Variants in PEAK1 observed in about 807,000 individuals in gnomAD.
The protein encoded by PEAK1 is pseudopodium enriched atypical kinase 1, also known as inactive tyrosine-protein kinase PEAK1.
In PEAK1, 54 loss-of-function variants were observed where a neutral mutation model predicts 124.7. The observed-to-expected ratio is 0.43, with a 90% CI of 0.35 to 0.54. PEAK1 has a LOEUF of 0.54. Ranked by LOEUF, PEAK1 falls within the 20% of genes least tolerant of loss-of-function variation. The pLI is 0.01. For synonymous variants in PEAK1, 719 were observed against 760.0 expected (o/e 0.95, Z 0.89); for missense variants, 2,046 against 2,134.5 (o/e 0.96, Z 0.82).
chr15:77,170,949 T>C (rs1035569151), intron 7 of PEAK1, among the ~76,000 whole-genome samples: 3 of 152,138 alleles, frequency 2.0e-5, no homozygotes, highest in African/African-American at 7.2e-5. Context: ...TCCTAACTGG[T>C]CACAGACCAG....
intron 2 of PEAK1, chr15:77,333,522 T>C: frequency 1.2e-6 from 1 of 851,644 alleles, no homozygotes; most frequent in Non-Finnish European, 1.4e-6. Flanking sequence ...ATTTCTCCAC[T>C]ACTTGATTAT....
chr15:77,278,759 T>C, intron 5 of PEAK1: 4 of 473,202 alleles, frequency 8.5e-6, no homozygotes, highest in South Asian at 1.6e-5. Flanking sequence ...TTTTGATAAC[T>C]GTGTACTTCT....
At chr15:77,204,437 C>G (rs2058527120) in intron 6 of PEAK1, 1 of 152,472 alleles carries the variant, frequency 6.6e-6, no homozygotes, top group Non-Finnish European at 1.5e-5. Flanking sequence ...CCAAACAAAA[C>G]CTGCATGTAA....
At position 77,181,172 on chromosome 15, in the gene PEAK1, C is replaced by G; in HGVS notation, c.755G>C (p.Trp252Ser). ...CAACAGCTCTTCATCACTCTCATCC[C>G]AACTCTCGTGCTCCTCCTCCATGTT... ...FSNMEEEHES[W>S]DESDEELLAM... Residue 252 changes from tryptophan to serine, a missense_variant, in exon 7 of 10, where the codon TGG (tryptophan) becomes TCG (serine). Coordinates refer to ENST00000682557, the MANE Select transcript of PEAK1 (RefSeq NM_001385026.1). 5 of 1,614,172 alleles carry G rather than the reference C, an allele frequency of 3.1e-6. No homozygotes were observed. The highest frequency in any genetic ancestry group is 4.2e-6 in the Non-Finnish European group (5 of 1,180,024).
rs985199362 is a variant in PEAK1, at chr15:77,418,612, G to C, written c.-666+1394C>G. 5 of 984,982 alleles carry C rather than the reference G, an allele frequency of 5.1e-6. No individual in the cohort carries two copies. In the African/African-American group the frequency reaches 8.7e-5, roughly 17 times the overall value. 61.0% of individuals were successfully genotyped at this position (984,982 alleles called of 1,614,324 possible). A position where few individuals can be genotyped will look rare whatever the true frequency, so the allele number is the denominator to read the frequency against. On this transcript the variant is annotated intron_variant, in intron 1 of 9. Coordinates refer to ENST00000682557, the MANE Select transcript of PEAK1 (RefSeq NM_001385026.1). ...TTACTAAATAAGTCACCAAAGAGAA[G>C]TCCCAGGCAAGTCAGAAAGTAATTA...
chr15:77,330,188 A>G (rs1243701465), intron 2 of PEAK1, among the ~76,000 whole-genome samples: 1 of 152,164 alleles, frequency 6.6e-6, no homozygotes, highest in Non-Finnish European at 1.5e-5. Flanking sequence ...TACCAAATAG[A>G]GATTAACTAT....
intron 2 of PEAK1, chr15:77,334,435 TA>T: frequency 3.0e-6 from 3 of 985,316 alleles, no homozygotes; most frequent in Non-Finnish European, 3.6e-6. Flanking sequence ...CTTCTACTTG[TA>T]CCTGCTTATC....
intron 6 of PEAK1, among the ~76,000 whole-genome samples, chr15:77,214,550 G>A (rs1430770052): frequency 1.3e-5 from 2 of 151,472 alleles, no homozygotes; most frequent in Admixed American, 6.6e-5. Context: ...CGTGAACCCA[G>A]GAGGCGGAAC....
intron 1 of PEAK1, among the ~76,000 whole-genome samples, chr15:77,388,042 A>C (rs2070104990): frequency 6.6e-6 from 1 of 152,092 alleles, no homozygotes; most frequent in African/African-American, 2.4e-5. Flanking sequence ...ATATAGCTGA[A>C]ATTAGCTGGG....
chr15:77,370,785 A>G (rs1296202929), intron 1 of PEAK1: 1 of 960,102 alleles, frequency 1.0e-6, no homozygotes. Context: ...TAATCTCAAC[A>G]CTTTGGGAGG....
At chr15:77,166,319 A>G (rs2056095518) in intron 7 of PEAK1, among the ~76,000 whole-genome samples, 1 of 152,198 alleles carries the variant, frequency 6.6e-6, no homozygotes, top group Non-Finnish European at 1.5e-5. Flanking sequence ...TATTATTCCC[A>G]TAACAGCAAA....
At chr15:77,163,715 G>A (rs1440557452) in intron 7 of PEAK1, among the ~76,000 whole-genome samples, 1 of 152,176 alleles carries the variant, frequency 6.6e-6, no homozygotes, top group African/African-American at 2.4e-5. Flanking sequence ...AGCTTCAGAT[G>A]AGACAATAAG....
intron 6 of PEAK1, among the ~76,000 whole-genome samples, chr15:77,183,981 C>G (rs1348248687): frequency 6.6e-6 from 1 of 151,988 alleles, no homozygotes; most frequent in Non-Finnish European, 1.5e-5. Context: ...GCACATGCCA[C>G]TATGCCTGGC....
intron 2 of PEAK1, among the ~76,000 whole-genome samples, chr15:77,360,922 A>G (rs2067846530): frequency 6.6e-6 from 1 of 152,110 alleles, no homozygotes. Flanking sequence ...TAAAACCACT[A>G]GAAGAAGACA....
At chr15:77,340,256 T>A (rs1338523391) in intron 2 of PEAK1, among the ~76,000 whole-genome samples, 1 of 152,220 alleles carries the variant, frequency 6.6e-6, no homozygotes, top group Non-Finnish European at 1.5e-5. Context: ...TAAAGTGTAT[T>A]AAGTCCACTC....
At chr15:77,384,766 G>A (rs1475955011) in intron 1 of PEAK1, among the ~76,000 whole-genome samples, 2 of 152,136 alleles carry the variant, frequency 1.3e-5, no homozygotes, top group Non-Finnish European at 1.5e-5. Flanking sequence ...ATCCATTTAG[G>A]ATTCTCAGAC....
At chr15:77,232,596 T>C (rs2059954139) in intron 6 of PEAK1, among the ~76,000 whole-genome samples, 1 of 152,164 alleles carries the variant, frequency 6.6e-6, no homozygotes, top group Admixed American at 6.5e-5. Context: ...TCTACCAACC[T>C]AACTGCATCT....
chr15:77,352,598 A>G, intron 2 of PEAK1: 2 of 949,022 alleles, frequency 2.1e-6, no homozygotes, highest in Non-Finnish European at 2.5e-6. Flanking sequence ...ACAAATTGAG[A>G]ATTAGCAACT....
At chr15:77,335,997 G>T (rs756860515) in intron 2 of PEAK1, 1 of 985,176 alleles carries the variant, frequency 1.0e-6, no homozygotes, top group African/African-American at 1.7e-5. Context: ...ACTCCAAATG[G>T]TCAGAGTTAA....
Sources: allele counts gnomAD v4.1 joint callset (sites outside exome capture counted in the v4.1 genomes callset), GRCh38; gene constraint gnomAD v4.1.1; transcripts MANE v1.5; gene names NCBI Gene and HGNC (gene_info 2026-07-23, HGNC 2026-07-21).